The following MED12L variants were observed in gnomAD, a reference collection of about 807,000 sequenced individuals.
The protein encoded by MED12L is mediator of RNA polymerase II transcription subunit 12-like protein.
In MED12L, 60 loss-of-function variants were observed where a neutral mutation model predicts 281.3. The observed-to-expected ratio is 0.21, with a 90% CI of 0.17 to 0.26. MED12L has a LOEUF of 0.26. MED12L is among the 10% of genes least tolerant of loss of function. The pLI, the probability that MED12L is intolerant of heterozygous loss-of-function variation, is 1.00. For synonymous variants in MED12L, 974 were observed against 987.2 expected (o/e 0.99, Z 0.25); for missense variants, 2,146 against 2,680.9 (o/e 0.80, Z 4.41).
chr3:151,365,811 G>A, intron 22 of MED12L, 39 bp from the exon 23 acceptor site: 1 of 1,545,848 alleles, frequency 6.5e-7, no homozygotes, highest in Admixed American at 1.9e-5. Context: ...TTTCTCTTTT[G>A]TACAAGGTTA....
intron 16 of MED12L, chr3:151,336,693 T>C (rs1751037740): frequency 1.4e-5 from 5 of 345,588 alleles, no homozygotes; most frequent in South Asian, 8.8e-5. Context: ...TTTGAACTTA[T>C]TGAAATGAGA....
intron 5 of MED12L, among the ~76,000 whole-genome samples, chr3:151,129,319 C>T (rs941225703): frequency 2.0e-5 from 3 of 152,162 alleles, no homozygotes; most frequent in African/African-American, 4.8e-5. Context: ...TCTTTGAGTT[C>T]AGCATCATCC....
Position 151,213,415 on chromosome 3 carries a change from G to A in MED12L, c.2250+19749G>A, listed in dbSNP as rs74811185. The A allele has an allele frequency of 1.8e-3, 2,954 of 1,613,982 alleles. 40 individuals carry two copies. In the East Asian group the frequency reaches 0.023, roughly 12 times the overall value. The stretch of plus-strand genomic sequence containing the variant: ...TTTCTTACATAAGATTTCCCTAAAC[G>A]GCTGGCATAGAAAGAAATAAATAAT... On this transcript the variant is annotated intron_variant, in intron 16 of 44. Coordinates refer to ENST00000687756, the MANE Select transcript of MED12L (RefSeq NM_001393769.1).
At chr3:151,319,587 G>A (rs1022886816) in intron 16 of MED12L, among the ~76,000 whole-genome samples, 2 of 150,890 alleles carry the variant, frequency 1.3e-5, no homozygotes, top group Non-Finnish European at 2.9e-5. Flanking sequence ...ATTTTTAAAG[G>A]TATTAAGACT....
At chr3:151,265,255 A>T (rs1293078299) in intron 16 of MED12L, among the ~76,000 whole-genome samples, 1 of 152,242 alleles carries the variant, frequency 6.6e-6, no homozygotes, top group Non-Finnish European at 1.5e-5. Context: ...CTCTATTCTG[A>T]GACTTTAAAT....
At chr3:151,320,037 A>G (rs922516952) in intron 16 of MED12L, among the ~76,000 whole-genome samples, 6 of 152,140 alleles carry the variant, frequency 3.9e-5, no homozygotes, top group Admixed American at 3.3e-4. Flanking sequence ...TGAGACATTG[A>G]GCAAATGTAT....
At chr3:151,312,669 A>T (rs560986030) in intron 16 of MED12L, among the ~76,000 whole-genome samples, 1 of 152,192 alleles carries the variant, frequency 6.6e-6, no homozygotes, top group African/African-American at 2.4e-5. Context: ...CTATCTTGCT[A>T]CATACAACAA....
At chr3:151,164,105 T>A in intron 9 of MED12L, 63 bp downstream of exon 9, 1 of 1,566,216 alleles carries the variant, frequency 6.4e-7, no homozygotes, top group South Asian at 1.2e-5. Flanking sequence ...CAGGGCACAG[T>A]GGGTCAAGCA....
Position 151,151,355 on chromosome 3 carries a change from T to C in MED12L, c.557-4806T>C, listed in dbSNP as rs386470490. ...CCCAGCCTGAAGTAGCATTTTTAAT[T>C]TCCTTTGAGATCCTTTCCTTTGCGT... On this transcript the variant is annotated intron_variant, in intron 5 of 44. Coordinates refer to ENST00000687756, the MANE Select transcript of MED12L (RefSeq NM_001393769.1). 5.9e-5 allele frequency among the ~76,000 whole-genome samples: 9 copies of C among 152,004 alleles called. No homozygotes were observed. In the East Asian group the frequency reaches 1.6e-3, roughly 26 times the overall value.
At chr3:151,295,559 T>C (rs1744970189) in intron 16 of MED12L, among the ~76,000 whole-genome samples, 1 of 152,176 alleles carries the variant, frequency 6.6e-6, no homozygotes, top group Non-Finnish European at 1.5e-5. Context: ...GGACAGAAAA[T>C]TGAAATTTTC....
chr3:151,185,541 T>C, intron 12 of MED12L, 80 bp downstream of exon 12: 1 of 1,445,164 alleles, frequency 6.9e-7, no homozygotes, highest in Non-Finnish European at 9.4e-7. Flanking sequence ...TCTCTTACCC[T>C]CATTATGTTA....
chr3:151,399,559 T>G (rs1715400070), intron 39 of MED12L, among the ~76,000 whole-genome samples: 1 of 152,218 alleles, frequency 6.6e-6, no homozygotes, highest in African/African-American at 2.4e-5. Context: ...CTTTAAATAC[T>G]GTGATACTTG....
intron 38 of MED12L, among the ~76,000 whole-genome samples, chr3:151,392,431 C>G (rs1428676360): frequency 7.2e-6 from 1 of 139,712 alleles, no homozygotes; most frequent in Non-Finnish European, 1.5e-5. Flanking sequence ...CATCATTGCA[C>G]TCCACCCTGG....
chr3:151,130,134 A>G (rs1203750404), intron 5 of MED12L, among the ~76,000 whole-genome samples: 1 of 152,086 alleles, frequency 6.6e-6, no homozygotes, highest in Non-Finnish European at 1.5e-5. Context: ...AGCCACCTTC[A>G]CTTTGATGAC....
chr3:151,365,133 A>G lies in MED12L; in HGVS notation c.3112A>G (p.Asn1038Asp), dbSNP rs1350040897. 1.2e-6 allele frequency: 2 copies of G among 1,613,960 alleles called. No homozygotes were observed. Among genetic ancestry groups the G allele is most frequent in the Non-Finnish European group, 1.7e-6 (2 of 1,179,962 alleles). ...AATGCTGGGCAAGATCCTCAGTGAC[A>G]ATGCGGCCAATCGCTACAGCTTTGT... is the stretch of plus-strand genomic sequence containing the variant. ...YSMLGKILSD[N>D]AANRYSFVCN... Residue 1038 changes from asparagine to aspartate, a missense_variant, in exon 22 of 45, where the codon AAT becomes GAT. By Grantham distance (23) the Asn-to-Asp change is conservative. This residue lies in a region of MED12L where 404 missense variants were observed against 603.5 expected (regional missense o/e 0.67). Transcript: ENST00000687756.
intron 16 of MED12L, among the ~76,000 whole-genome samples, chr3:151,243,580 AC>A (rs1157704491): frequency 1.3e-5 from 2 of 152,146 alleles, no homozygotes; most frequent in East Asian, 3.9e-4. Context: ...AGATTTTGTC[AC>A]CACCAGGCCT....
intron 16 of MED12L, among the ~76,000 whole-genome samples, chr3:151,293,638 TAC>T (rs199892582): frequency 0.041 from 4,087 of 99,610 alleles, 131 homozygotes; most frequent in African/African-American, 0.074. Flanking sequence ...ATGAAGCCCT[TAC>T]ACACACACAC....
chr3:151,364,105 A>C (rs555445916), intron 21 of MED12L, among the ~76,000 whole-genome samples: 2 of 152,268 alleles, frequency 1.3e-5, no homozygotes, highest in South Asian at 4.1e-4. Flanking sequence ...GCTTTTGAGT[A>C]GAGAGAGTGA....
At chr3:151,386,238 A>C (rs1713324503) in intron 36 of MED12L, among the ~76,000 whole-genome samples, 1 of 152,242 alleles carries the variant, frequency 6.6e-6, no homozygotes, top group African/African-American at 2.4e-5. Context: ...TTGAGTTTGC[A>C]GTGTCAGCGG....
Sources: gnomAD v4.1 joint callset for allele counts (sites outside exome capture counted in the v4.1 genomes callset) on GRCh38, gnomAD v4.1.1 for gene constraint, gnomAD v4.1.1 regional missense constraint, MANE v1.5 for transcripts, NCBI Gene and HGNC (gene_info 2026-07-23, HGNC 2026-07-21) for gene names.